The following NTRK1 variants were observed in gnomAD, a reference collection of about 807,000 sequenced individuals.
NTRK1 encodes neurotrophic receptor tyrosine kinase 1.
In NTRK1, 62 loss-of-function variants were observed where a neutral mutation model predicts 86.8. The observed-to-expected ratio is 0.71, with a 90% CI of 0.58 to 0.88. NTRK1 has a LOEUF of 0.88. NTRK1 is among the 40% of genes least tolerant of loss of function. The pLI, the probability that NTRK1 is intolerant of heterozygous loss-of-function variation, is 0.00. For missense variants in NTRK1, 967 were observed against 1,078.4 expected, an observed-to-expected ratio of 0.90 and a Z score of 1.45; for synonymous variants, 469 against 456.6, an observed-to-expected ratio of 1.03 and a Z score of -0.35.
chr1:156,850,534 C>CTTTTTTTT (rs35237064), intron 2 of NTRK1, among the ~76,000 whole-genome samples: 30 of 58,638 alleles, frequency 5.1e-4, no homozygotes, highest in East Asian at 1.1e-3. Flanking sequence ...TTAAAACATT[C>CTTTTTTTT]TTTTTTTTTT....
At chr1:156,881,410 G>T (rs1406657792) in intron 16 of NTRK1, 47 bp from the exon 17 acceptor site, 2 of 1,542,144 alleles carry the variant, frequency 1.3e-6, no homozygotes, top group South Asian at 2.4e-5. Flanking sequence ...TCACTCTCTT[G>T]CCCCCAGCCT....
At chr1:156,846,120 C>T in intron 2 of NTRK1, 1 of 1,588,742 alleles carries the variant, frequency 6.3e-7, no homozygotes, top group South Asian at 1.2e-5. Flanking sequence ...ACCGTGGGAG[C>T]TAGGAGTGCG....
chr1:156,823,429 G>A (rs1427253644), intron 1 of NTRK1, among the ~76,000 whole-genome samples: 2 of 152,192 alleles, frequency 1.3e-5, no homozygotes, highest in African/African-American at 4.8e-5. Flanking sequence ...AGTCCACCCT[G>A]TGATCGCGAG....
Position 156,881,780 on chromosome 1 carries a change from G to C in NTRK1, c.*138G>C. 1.2e-6 allele frequency: 1 copy of C among 829,522 alleles called. No homozygotes were observed. The highest frequency in any genetic ancestry group is 1.8e-6 in the Non-Finnish European group (1 of 553,200). 51.4% of individuals were successfully genotyped at this position (829,522 alleles called of 1,614,324 possible). ...AGCATGTGGGAAGGGACAGGTGGGG[G>C]CTGGGAGTAGAGGATGTTCCTGCTT... On this transcript the variant is annotated 3_prime_UTR_variant, in exon 17 of 17. Coordinates refer to ENST00000524377, the MANE Select transcript of NTRK1 (RefSeq NM_002529.4).
At chr1:156,879,041 G>A (rs565951962) in intron 14 of NTRK1, 81 bp from the exon 15 acceptor site, 11 of 1,544,676 alleles carry the variant, frequency 7.1e-6, no homozygotes, top group South Asian at 7.1e-5. Flanking sequence ...CCCATCACAC[G>A]CGGCTGCTGG....
chr1:156,816,183 C>G (rs897968813), intron 1 of NTRK1: 16 of 1,497,630 alleles, frequency 1.1e-5, no homozygotes, highest in Non-Finnish European at 1.4e-5. Context: ...CTCAGGGGAT[C>G]TGGAGGGCTG....
intron 1 of NTRK1, among the ~76,000 whole-genome samples, chr1:156,826,446 G>A (rs896048497): frequency 6.6e-5 from 10 of 151,836 alleles, no homozygotes; most frequent in African/African-American, 2.2e-4. Context: ...GACTACAGGT[G>A]TCCACCACTG....
Position 156,864,662 on chromosome 1 carries a change from G to A in NTRK1, c.288-66G>A, listed in dbSNP as rs556745019. ...ACAGGGGACTGGGAGGCTGGGATGG[G>A]CAGGGAGGGCCAGGGGCCCAGAGTA... On this transcript the variant is annotated intron_variant, in intron 2 of 16. Transcript: ENST00000524377. The A allele has an allele frequency of 9.0e-6, 14 of 1,552,280 alleles. No individual in the cohort carries two copies. In the South Asian group the frequency reaches 1.5e-4, roughly 16 times the overall value.
rs1800877 is a variant in NTRK1, at chr1:156,864,512, G to A, written c.287+84G>A. 13,476 of 1,418,252 alleles carry A rather than the reference G, an allele frequency of 9.5e-3. 990 individuals are homozygous for A. The Admixed American group carries it at 0.16, about 17-fold the overall frequency. The allele number at this position is 1,418,252 out of a possible 1,614,324, so 87.9% of individuals were successfully genotyped here. The stretch of plus-strand genomic sequence containing the variant: ...GGTCAGGGAGGGCTCAAGCATCCGA[G>A]GGCCTGGGAGGACCTGAGAGGCTGA... On this transcript the variant is annotated intron_variant, in intron 2 of 16. Transcript: ENST00000524377.
intron 1 of NTRK1, among the ~76,000 whole-genome samples, chr1:156,862,553 T>G (rs1358471527): frequency 6.6e-6 from 1 of 152,058 alleles, no homozygotes; most frequent in African/African-American, 2.4e-5. Flanking sequence ...GGTGGTGAGC[T>G]GAGATGTCCC....
intron 1 of NTRK1, chr1:156,841,481 G>A: frequency 6.2e-7 from 1 of 1,613,928 alleles, no homozygotes; most frequent in Non-Finnish European, 8.5e-7. Context: ...GCCCTGGTAG[G>A]GTTGTTCTGC....
upstream of NTRK1, chr1:156,858,662 C>A (rs12129392): frequency 0.029 from 45,732 of 1,561,802 alleles, 866 homozygotes; most frequent in African/African-American, 0.075. Context: ...GCTCTCCTCC[C>A]GGTGACTCTG....
intron 2 of NTRK1, chr1:156,853,987 C>T: frequency 6.2e-7 from 1 of 1,613,482 alleles, no homozygotes; most frequent in Non-Finnish European, 8.5e-7. Flanking sequence ...CCCCACGCAG[C>T]ACGGCCCCAA....
At chr1:156,839,324 T>C (rs1403873153) in intron 1 of NTRK1, among the ~76,000 whole-genome samples, 1 of 152,268 alleles carries the variant, frequency 6.6e-6, no homozygotes, top group Admixed American at 6.5e-5. Context: ...GTGGCATGTG[T>C]GTGGCATGGC....
chr1:156,833,757 C>T (rs145695526), intron 1 of NTRK1, among the ~76,000 whole-genome samples: 3 of 152,164 alleles, frequency 2.0e-5, no homozygotes, highest in East Asian at 1.9e-4. Context: ...CTCCTTTGCC[C>T]GTTCTGTTAG....
intron 1 of NTRK1, among the ~76,000 whole-genome samples, chr1:156,861,564 C>A (rs931927178): frequency 2.0e-5 from 3 of 152,196 alleles, no homozygotes; most frequent in Non-Finnish European, 4.4e-5. Flanking sequence ...GCAAGCCAGC[C>A]CCCGCCCACT....
chr1:156,875,719 G>GTGTA (rs2102916038), intron 12 of NTRK1, 53 bp downstream of exon 12: 4 of 1,592,754 alleles, frequency 2.5e-6, no homozygotes, highest in Non-Finnish European at 3.4e-6. Flanking sequence ...GTGTGTGTGT[G>GTGTA]TGTGTGTGTG....
chr1:156,881,811 G>A lies in NTRK1; in HGVS notation c.*169G>A, dbSNP rs562535135. The A allele has an allele frequency of 1.6e-5, 10 of 627,488 alleles. No individual in the cohort carries two copies. Among genetic ancestry groups the A allele is most frequent in the African/African-American group, 1.5e-4 (8 of 53,460 alleles). The allele number at this position is 627,488 out of a possible 1,614,324, so 38.9% of individuals were successfully genotyped here. ...AGTAGAGGATGTTCCTGCTTCTCTA[G>A]GCAAGGTCCCGTCATAGCAATTATA... On this transcript the variant is annotated 3_prime_UTR_variant, in exon 17 of 17. Coordinates refer to ENST00000524377, the MANE Select transcript of NTRK1 (RefSeq NM_002529.4).
chr1:156,848,526 T>C (rs1379902661), intron 2 of NTRK1, among the ~76,000 whole-genome samples: 1 of 152,212 alleles, frequency 6.6e-6, no homozygotes, highest in Non-Finnish European at 1.5e-5. Flanking sequence ...TTCCTAAGGC[T>C]TAAATGAAAT....
Sources: gnomAD v4.1 joint callset for allele counts (sites outside exome capture counted in the v4.1 genomes callset) on GRCh38, gnomAD v4.1.1 for gene constraint, MANE v1.5 for transcripts, NCBI Gene and HGNC (gene_info 2026-07-23, HGNC 2026-07-21) for gene names.